FHIT: variants seen among roughly 807,000 people sequenced by gnomAD.
FHIT encodes fragile histidine triad diadenosine triphosphatase.
A neutral mutation model predicts 17.9 loss-of-function variants in FHIT; 19 were observed. The observed-to-expected ratio is 1.06, with a 90% CI of 0.74 to 1.56. The LOEUF is 1.56. Ranked by LOEUF, FHIT falls within the 40% of genes most tolerant of loss-of-function variation. The pLI is 0.00. For missense variants in FHIT, 248 were observed against 189.2 expected (o/e 1.31, Z -1.82); for synonymous variants, 81 against 69.7 (o/e 1.16, Z -0.81).
chr3:60,001,044 C>A (rs1000637828), intron 7 of FHIT, among the ~76,000 whole-genome samples: 1 of 152,180 alleles, frequency 6.6e-6, no homozygotes, highest in Admixed American at 6.5e-5. Flanking sequence ...CAGTGACCAC[C>A]CCATCTAAAG....
At chr3:59,978,168 G>A (rs182551116) in intron 7 of FHIT, among the ~76,000 whole-genome samples, 3 of 152,138 alleles carry the variant, frequency 2.0e-5, no homozygotes, top group Non-Finnish European at 4.4e-5. Flanking sequence ...CCTAAAACAG[G>A]CAAAGTAACT....
At chr3:60,611,782 T>A (rs72887682) in intron 4 of FHIT, among the ~76,000 whole-genome samples, 2,338 of 152,272 alleles carry the variant, frequency 0.015, 68 homozygotes, top group African/African-American at 0.054. Flanking sequence ...TAGGAGGAAC[T>A]ATCCAGTAGT....
At chr3:60,655,894 G>T (rs546564311) in intron 4 of FHIT, among the ~76,000 whole-genome samples, 1 of 152,132 alleles carries the variant, frequency 6.6e-6, no homozygotes, top group African/African-American at 2.4e-5. Flanking sequence ...TGGAAGGTTG[G>T]CAAGACACTA....
At chr3:60,089,574 C>G (rs1316080853) in intron 5 of FHIT, among the ~76,000 whole-genome samples, 1 of 152,132 alleles carries the variant, frequency 6.6e-6, no homozygotes, top group Non-Finnish European at 1.5e-5. Context: ...AGTTCAACAG[C>G]AACAAAAATA....
chr3:60,619,290 T>C (rs2039045520), intron 4 of FHIT, among the ~76,000 whole-genome samples: 1 of 152,066 alleles, frequency 6.6e-6, no homozygotes, highest in African/African-American at 2.4e-5. Context: ...AAAATGTAAA[T>C]AAAGGAATAT....
chr3:61,229,394 T>C (rs760300419), intron 1 of FHIT, among the ~76,000 whole-genome samples: 2 of 152,196 alleles, frequency 1.3e-5, no homozygotes, highest in Non-Finnish European at 2.9e-5. Flanking sequence ...TGAGGGAGCA[T>C]GGCCCTGCCA....
chr3:60,792,475 T>C (rs143003976), intron 4 of FHIT, among the ~76,000 whole-genome samples: 1 of 152,346 alleles, frequency 6.6e-6, no homozygotes, highest in African/African-American at 2.4e-5. Flanking sequence ...GACAGGATGA[T>C]AATAAATACT....
intron 5 of FHIT, among the ~76,000 whole-genome samples, chr3:60,227,251 A>G (rs1013698394): frequency 2.0e-5 from 3 of 152,206 alleles, no homozygotes; most frequent in African/African-American, 4.8e-5. Context: ...AAGATTCTTA[A>G]TAAAATCAAC....
At chr3:60,007,358 T>G (rs1044212887) in intron 7 of FHIT, among the ~76,000 whole-genome samples, 1 of 152,208 alleles carries the variant, frequency 6.6e-6, no homozygotes, top group African/African-American at 2.4e-5. Flanking sequence ...TATAGAAGAC[T>G]TTTGATAGAG....
intron 5 of FHIT, among the ~76,000 whole-genome samples, chr3:60,299,336 A>C (rs1445654238): frequency 6.6e-6 from 1 of 152,150 alleles, no homozygotes; most frequent in Non-Finnish European, 1.5e-5. Context: ...ATCTCTGTCT[A>C]TGAAGGATGT....
intron 8 of FHIT, among the ~76,000 whole-genome samples, chr3:59,761,999 A>G (rs181320576): frequency 7.2e-4 from 109 of 152,324 alleles, no homozygotes; most frequent in African/African-American, 2.6e-3. Context: ...CTGAATTGCC[A>G]GCATCACTAC....
rs535493831 is a variant in FHIT at position 60,591,617 on chromosome 3, C to A, written c.-17-54638G>T. ...AAAATCCAGGTACATTCATCAGGCC[C>A]TCCCCATGTCGTGGAAGACTAAAGT... is the stretch of plus-strand genomic sequence containing the variant. On this transcript the variant is annotated intron_variant, in intron 4 of 9. Coordinates refer to ENST00000492590, the MANE Select transcript of FHIT (RefSeq NM_002012.4). Among the ~76,000 whole-genome samples, 166 of 152,176 alleles carry A rather than the reference C, an allele frequency of 1.1e-3. 3 individuals carry two copies. The South Asian group carries it at 0.016, about 14-fold the overall frequency.
intron 5 of FHIT, among the ~76,000 whole-genome samples, chr3:60,317,281 T>C (rs955975355): frequency 1.3e-5 from 2 of 152,024 alleles, no homozygotes; most frequent in Non-Finnish European, 2.9e-5. Flanking sequence ...AACAAGTGCA[T>C]ATATAACTAA....
At chr3:60,031,781 G>C (rs187783236) in intron 5 of FHIT, among the ~76,000 whole-genome samples, 116 of 152,138 alleles carry the variant, frequency 7.6e-4, no homozygotes, top group African/African-American at 2.5e-3. Context: ...GCTTAGCAGA[G>C]GGTGCATGGA....
chr3:61,198,895 C>CGATGATGAT (rs56054524), intron 2 of FHIT, among the ~76,000 whole-genome samples: 6 of 150,702 alleles, frequency 4.0e-5, no homozygotes, highest in African/African-American at 9.8e-5. Context: ...CTGCCGCCGC[C>CGATGATGAT]GATGATGATG....
chr3:61,153,139 T>A (rs1405028758), intron 2 of FHIT, among the ~76,000 whole-genome samples: 2 of 114,300 alleles, frequency 1.7e-5, no homozygotes, highest in African/African-American at 3.9e-5. Flanking sequence ...CAAGACTCCA[T>A]CTCAAAAAAA....
At chr3:59,956,904 T>G (rs990420946) in intron 7 of FHIT, among the ~76,000 whole-genome samples, 6 of 152,244 alleles carry the variant, frequency 3.9e-5, no homozygotes. Flanking sequence ...CACTCTCCAT[T>G]ACTCTAACCC....
chr3:60,558,659 G>A (rs2036826343), intron 4 of FHIT, among the ~76,000 whole-genome samples: 1 of 152,102 alleles, frequency 6.6e-6, no homozygotes, highest in African/African-American at 2.4e-5. Flanking sequence ...CACTGCCTGG[G>A]GTCTTCTATA....
At chr3:59,838,510 T>C (rs994130853) in intron 8 of FHIT, among the ~76,000 whole-genome samples, 1 of 152,174 alleles carries the variant, frequency 6.6e-6, no homozygotes, top group Non-Finnish European at 1.5e-5. Flanking sequence ...CCATCTCAGC[T>C]TGTGTCTTCT....
Sources: gnomAD v4.1 joint callset for allele counts (sites outside exome capture counted in the v4.1 genomes callset) on GRCh38, gnomAD v4.1.1 for gene constraint, MANE v1.5 for transcripts, NCBI Gene and HGNC (gene_info 2026-07-23, HGNC 2026-07-21) for gene names.